The following SEC61A1 variants were observed in gnomAD, a reference collection of about 807,000 sequenced individuals.
SEC61A1 encodes SEC61 translocon subunit alpha 1, also known as protein transport protein Sec61 subunit alpha isoform 1.
A neutral mutation model predicts 55.2 loss-of-function variants in SEC61A1; 15 were observed. The ratio of observed to expected loss-of-function variants is 0.27; its 90% CI spans 0.18 to 0.42. SEC61A1 has a LOEUF of 0.42. Ranked by LOEUF, SEC61A1 falls within the 10% of genes least tolerant of loss-of-function variation. The probability of loss-of-function intolerance (pLI) is 1.00; values close to 1 mark genes in which losing one functional copy is unlikely to be tolerated. For synonymous variants in SEC61A1, 247 were observed against 234.0 expected, an observed-to-expected ratio of 1.06 and a Z score of -0.51; for missense variants, 284 against 602.6, an observed-to-expected ratio of 0.47 and a Z score of 5.53.
At chr3:128,064,117 A>G (rs952511640) in intron 7 of SEC61A1, among the ~76,000 whole-genome samples, 1 of 151,984 alleles carries the variant, frequency 6.6e-6, no homozygotes, top group African/African-American at 2.4e-5. Context: ...GAGCCTCCCC[A>G]CTCACCAGCC....
chr3:128,052,419 T>G (rs1941698515), upstream of SEC61A1: 4 of 1,243,286 alleles, frequency 3.2e-6, no homozygotes, highest in South Asian at 1.5e-4. Context: ...CCGCGCCGCT[T>G]GCCGCCGGGC....
intron 5 of SEC61A1, among the ~76,000 whole-genome samples, chr3:128,059,894 G>A (rs1326548204): frequency 1.3e-5 from 2 of 151,954 alleles, no homozygotes; most frequent in Non-Finnish European, 1.5e-5. Context: ...TAAAGAAGAA[G>A]TGTGCTTTTG....
chr3:128,059,983 T>C (rs1379445530), intron 5 of SEC61A1, 119 bp from the exon 6 acceptor site: 7 of 706,198 alleles, frequency 9.9e-6, no homozygotes. Context: ...TTGGAGGTAG[T>C]ATCACTGCTC....
At chr3:128,066,109 T>C (rs1321509358) in intron 8 of SEC61A1, among the ~76,000 whole-genome samples, 1 of 152,132 alleles carries the variant, frequency 6.6e-6, no homozygotes, top group East Asian at 1.9e-4. Flanking sequence ...CTCATAAAAA[T>C]AAACCCTTTC....
chr3:128,060,008 C>A, intron 5 of SEC61A1, 94 bp from the exon 6 acceptor site: 1 of 878,478 alleles, frequency 1.1e-6, no homozygotes, highest in Non-Finnish European at 1.9e-6. Flanking sequence ...TCTTTGTTCT[C>A]CCCCGTGCCT....
upstream of SEC61A1, chr3:128,051,725 CA>C (rs961170654): frequency 2.1e-5 from 31 of 1,471,802 alleles, no homozygotes; most frequent in Non-Finnish European, 2.6e-5. Context: ...AGGCTCGGCA[CA>C]AAGGTACTCT....
At chr3:128,063,223 A>G (rs1444851698) in intron 7 of SEC61A1, among the ~76,000 whole-genome samples, 1 of 152,178 alleles carries the variant, frequency 6.6e-6, no homozygotes, top group Non-Finnish European at 1.5e-5. Flanking sequence ...GACAAGTTCC[A>G]CAGTACTAGA....
chr3:128,053,384 G>C (rs1399809315), intron 2 of SEC61A1, among the ~76,000 whole-genome samples: 3 of 152,186 alleles, frequency 2.0e-5, no homozygotes, highest in Non-Finnish European at 4.4e-5. Context: ...GGGAATAAAG[G>C]CTATTCTTTT....
rs997802000 is a variant in SEC61A1 at position 128,065,374 on chromosome 3, A to G, written c.777+337A>G. 1.9e-5 allele frequency: 11 copies of G among 568,364 alleles called. 1 individual carries two copies. Among genetic ancestry groups the G allele is most frequent in the South Asian group, 7.2e-5 (3 of 41,532 alleles). The allele number at this position is 568,364 out of a possible 1,614,324, so 35.2% of individuals were successfully genotyped here. On this transcript the variant is annotated intron_variant, in intron 8 of 11. Transcript: ENST00000243253. ...CTCTGAAACCTCATTGCTCTCTTAT[A>G]GAAAGTTTGTATGATATTTATAGGT...
intron 7 of SEC61A1, among the ~76,000 whole-genome samples, chr3:128,063,272 T>C (rs1397783884): frequency 6.6e-6 from 1 of 152,214 alleles, no homozygotes; most frequent in Non-Finnish European, 1.5e-5. Flanking sequence ...AGTTTCAGCT[T>C]TCCTATTTAA....
chr3:128,060,385 G>C, intron 6 of SEC61A1, 123 bp from the exon 7 acceptor site: 1 of 1,182,474 alleles, frequency 8.5e-7, no homozygotes, highest in Admixed American at 2.0e-5. Context: ...ACCGCTCTCT[G>C]GGGCTGAGGA....
chr3:128,065,294 A>T (rs1269312687), intron 8 of SEC61A1: 4 of 601,800 alleles, frequency 6.6e-6, no homozygotes, highest in Non-Finnish European at 1.2e-5. Context: ...GGGCCTATCG[A>T]CAGGTAAGAT....
intron 11 of SEC61A1, among the ~76,000 whole-genome samples, 155 bp from the exon 12 acceptor site, chr3:128,069,321 G>A (rs1181386373): frequency 1.3e-5 from 2 of 152,326 alleles, no homozygotes; most frequent in East Asian, 1.9e-4. Context: ...CAGCGCCTTG[G>A]CCTAGAGCGC....
At chr3:128,058,262 G>A (rs1455320547) in intron 5 of SEC61A1, among the ~76,000 whole-genome samples, 1 of 130,396 alleles carries the variant, frequency 7.7e-6, no homozygotes, top group Non-Finnish European at 1.5e-5. Flanking sequence ...AGGCTGGAGT[G>A]CAGTGGCGTG....
chr3:128,067,428 C>T lies in SEC61A1; in HGVS notation c.983C>T (p.Ser328Phe), dbSNP rs758907046. 7.4e-6 allele frequency: 12 copies of T among 1,611,362 alleles called. No homozygotes were observed. Among genetic ancestry groups the T allele is most frequent in the East Asian group, 2.2e-5 (1 of 44,862 alleles). Residue 328 changes from serine (S) to phenylalanine (F), a missense_variant, in exon 10 of 12, where the codon TCT (serine) becomes TTT (phenylalanine). Physicochemically the swap from Ser to Phe is radical, Grantham distance 155. Transcript: ENST00000243253. This position sits in a 1 kb window ranked among gnomAD's most constrained non-coding sequence, Gnocchi z 4.1. The stretch of plus-strand genomic sequence containing the variant: ...TGGTTTCTTCTTCCCCAGGACACGT[C>T]TTCTGGGGGCCCAGCACGTGCTTAT... ...VSLLGTWSDT[S>F]SGGPARAYPV...
At chr3:128,059,307 A>G (rs985011492) in intron 5 of SEC61A1, among the ~76,000 whole-genome samples, 3 of 152,136 alleles carry the variant, frequency 2.0e-5, no homozygotes, top group African/African-American at 4.8e-5. Flanking sequence ...CCCTGTCTAC[A>G]CTAAAAATAC....
chr3:128,062,675 G>A (rs1941868127), intron 7 of SEC61A1, among the ~76,000 whole-genome samples: 1 of 152,246 alleles, frequency 6.6e-6, no homozygotes, highest in African/African-American at 2.4e-5. Flanking sequence ...GGTCCAGGAA[G>A]ATGTAGCAGG....
intron 7 of SEC61A1, 95 bp from the exon 8 acceptor site, chr3:128,064,780 AGT>A: frequency 9.2e-7 from 1 of 1,088,482 alleles, no homozygotes; most frequent in Non-Finnish European, 1.3e-6. Flanking sequence ...TAATAACTTA[AGT>A]TTGTTTTCCT....
chr3:128,058,259 A>G (rs9874946), intron 5 of SEC61A1, among the ~76,000 whole-genome samples: 32,822 of 126,574 alleles, frequency 0.26, 3,744 homozygotes, highest in Middle Eastern at 0.37. Flanking sequence ...CCCAGGCTGG[A>G]GTGCAGTGGC....
Sources: gnomAD v4.1 joint callset for allele counts (sites outside exome capture counted in the v4.1 genomes callset) on GRCh38, gnomAD v4.1.1 for gene constraint, Gnocchi (gnomAD v3.1) non-coding constraint, MANE v1.5 for transcripts, NCBI Gene and HGNC (gene_info 2026-07-23, HGNC 2026-07-21) for gene names.